The following GRM5 variants were observed in gnomAD, a reference collection of about 807,000 sequenced individuals.
GRM5 encodes the protein glutamate metabotropic receptor 5.
In GRM5, 19 loss-of-function variants were observed where a neutral mutation model predicts 83.1. That is an observed-to-expected ratio of 0.23 (90% CI 0.16 to 0.34). The LOEUF (loss-of-function observed/expected upper bound fraction) is 0.34, where lower values mean the gene tolerates loss of function less well. Among genes scored for constraint, GRM5 ranks in the 10% least tolerant of loss-of-function variants. The pLI, the probability that GRM5 is intolerant of heterozygous loss-of-function variation, is 1.00. For synonymous variants in GRM5, 675 were observed against 633.6 expected (o/e 1.07, Z -0.98); for missense variants, 1,160 against 1,588.3 (o/e 0.73, Z 4.58).
chr11:88,544,137 C>T (rs1290490191), intron 8 of GRM5, among the ~76,000 whole-genome samples: 1 of 152,108 alleles, frequency 6.6e-6, no homozygotes, highest in Non-Finnish European at 1.5e-5. Context: ...TGGGATGACC[C>T]TCCCCAGATG....
chr11:88,840,411 T>G (rs1052585432), intron 3 of GRM5, among the ~76,000 whole-genome samples: 1 of 152,210 alleles, frequency 6.6e-6, no homozygotes. Flanking sequence ...TGTTAATTCT[T>G]GTAGTGTGAT....
intron 1 of GRM5, among the ~76,000 whole-genome samples, chr11:89,052,519 T>G (rs1159581188): frequency 6.6e-5 from 10 of 152,180 alleles, no homozygotes; most frequent in Non-Finnish European, 7.4e-5. Flanking sequence ...AGATACTATA[T>G]TCCATGTACA....
chr11:88,573,528 G>A (rs560358731), intron 7 of GRM5, among the ~76,000 whole-genome samples: 2 of 152,252 alleles, frequency 1.3e-5, no homozygotes, highest in Non-Finnish European at 2.9e-5. Flanking sequence ...TTGGATAAAG[G>A]AAGTTGCTGT....
chr11:89,035,187 T>C (rs531294181), intron 2 of GRM5, among the ~76,000 whole-genome samples: 47 of 151,780 alleles, frequency 3.1e-4, no homozygotes, highest in Non-Finnish European at 5.5e-4. Context: ...TATGAAATCA[T>C]TTCCATAAAA....
At chr11:88,676,547 A>G (rs1246578890) in intron 3 of GRM5, among the ~76,000 whole-genome samples, 1 of 152,068 alleles carries the variant, frequency 6.6e-6, no homozygotes, top group African/African-American at 2.4e-5. Flanking sequence ...AAACATTATA[A>G]ATACAATGAT....
intron 2 of GRM5, among the ~76,000 whole-genome samples, chr11:88,999,011 G>A (rs918263989): frequency 1.3e-5 from 2 of 152,074 alleles, no homozygotes; most frequent in African/African-American, 4.8e-5. Flanking sequence ...TTAATAAATG[G>A]TGCTGGGAAA....
chr11:88,743,854 C>T (rs1942078836), intron 3 of GRM5, among the ~76,000 whole-genome samples: 1 of 152,076 alleles, frequency 6.6e-6, no homozygotes, highest in Admixed American at 6.6e-5. Context: ...GATGATTGAC[C>T]ACACATACAG....
chr11:88,942,338 A>G, intron 2 of GRM5, among the ~76,000 whole-genome samples: 1 of 152,042 alleles, frequency 6.6e-6, no homozygotes, highest in East Asian at 1.9e-4. Flanking sequence ...GGTGAGGGAT[A>G]TATGAGTATA....
chr11:88,609,636 A>G (rs952334743), intron 4 of GRM5, among the ~76,000 whole-genome samples: 1 of 152,140 alleles, frequency 6.6e-6, no homozygotes, highest in Non-Finnish European at 1.5e-5. Context: ...GATATTAGAC[A>G]TTTGTTGGAT....
At chr11:88,980,680 G>C (rs1444151508) in intron 2 of GRM5, among the ~76,000 whole-genome samples, 1 of 151,824 alleles carries the variant, frequency 6.6e-6, no homozygotes, top group Admixed American at 6.6e-5. Context: ...AAAGTTAGTC[G>C]GGCGTGGTGG....
intron 2 of GRM5, among the ~76,000 whole-genome samples, chr11:88,878,719 TG>T (rs1217824227): frequency 6.6e-6 from 1 of 152,174 alleles, no homozygotes; most frequent in Non-Finnish European, 1.5e-5. Context: ...ATTAACGAAG[TG>T]TAGTTCATCC....
In GRM5 at chr11:88,908,650, G is replaced by T. The variant is rs1945443693; in HGVS notation, c.662-58495C>A. ...TCCTATTATACCTTATTTTAACAAAGTATCTCATTTTCTAGGTATATTGGA... is the reference window on the plus strand; with the variant it reads ...TCCTATTATACCTTATTTTAACAAATTATCTCATTTTCTAGGTATATTGGA... On this transcript the variant is annotated intron_variant, in intron 2 of 9. Transcript: ENST00000305447. 2.6e-5 allele frequency among the ~76,000 whole-genome samples: 4 copies of T among 152,048 alleles called. No individual in the cohort carries two copies. In the South Asian group the frequency reaches 8.3e-4, roughly 32 times the overall value.
chr11:88,753,775 T>G (rs1942334774), intron 3 of GRM5, among the ~76,000 whole-genome samples: 1 of 151,992 alleles, frequency 6.6e-6, no homozygotes, highest in Non-Finnish European at 1.5e-5. Flanking sequence ...GACTGAGCAA[T>G]TTACAAAAGA....
intron 2 of GRM5, among the ~76,000 whole-genome samples, chr11:88,856,186 T>C (rs1009086199): frequency 1.3e-5 from 2 of 152,110 alleles, no homozygotes; most frequent in Non-Finnish European, 2.9e-5. Flanking sequence ...ACTACTAATA[T>C]CCTGTTGCTA....
intron 4 of GRM5, among the ~76,000 whole-genome samples, chr11:88,649,069 T>A (rs1307749927): frequency 6.9e-6 from 1 of 144,936 alleles, no homozygotes; most frequent in South Asian, 2.1e-4. Context: ...ATATATATTA[T>A]AATATATAAT....
intron 4 of GRM5, among the ~76,000 whole-genome samples, chr11:88,636,945 G>T (rs1036293059): frequency 1.3e-5 from 2 of 152,136 alleles, no homozygotes; most frequent in Non-Finnish European, 2.9e-5. Context: ...TGCTGTTTTG[G>T]TTACCGTAGC....
chr11:89,017,347 T>C lies in GRM5; in HGVS notation c.661+29865A>G, dbSNP rs373826020. On this transcript the variant is annotated intron_variant, in intron 2 of 9. Coordinates refer to ENST00000305447, the MANE Select transcript of GRM5 (RefSeq NM_001143831.3). ...ATAAACTTTATTGAGAATGTCATTC[T>C]TGAGACAGATTCATTCAACAAAATT... 7.2e-5 allele frequency among the ~76,000 whole-genome samples: 11 copies of C among 152,344 alleles called. No individual in the cohort carries two copies. In the South Asian group the frequency reaches 1.9e-3, roughly 26 times the overall value.
rs537098578 is a variant in GRM5, at chr11:88,835,486, C to A, written c.911+14420G>T. ...TTACTAGTTGTTACATATTTTAAATCTCACCTCTGAGTATCATAGGAAGTG... is the reference window on the plus strand; with the variant it reads ...TTACTAGTTGTTACATATTTTAAATATCACCTCTGAGTATCATAGGAAGTG... On this transcript the variant is annotated intron_variant, in intron 3 of 9. Coordinates refer to ENST00000305447, the MANE Select transcript of GRM5 (RefSeq NM_001143831.3). Among the ~76,000 whole-genome samples, 67 of 152,248 alleles carry A rather than the reference C, an allele frequency of 4.4e-4. No individual in the cohort carries two copies. In the South Asian group the frequency reaches 0.013, roughly 30 times the overall value.
chr11:88,742,539 G>C (rs1309795121), intron 3 of GRM5, among the ~76,000 whole-genome samples: 1 of 152,032 alleles, frequency 6.6e-6, no homozygotes, highest in African/African-American at 2.4e-5. Context: ...CCAAGGGAGA[G>C]CTGATACTTA....
Sources: gnomAD v4.1 joint callset for allele counts (sites outside exome capture counted in the v4.1 genomes callset) on GRCh38, gnomAD v4.1.1 for gene constraint, MANE v1.5 for transcripts, NCBI Gene and HGNC (gene_info 2026-07-23, HGNC 2026-07-21) for gene names.